ZNF557: variants seen among roughly 807,000 people sequenced by gnomAD.
ZNF557 encodes the protein CTB-25J19.9.
A neutral mutation model predicts 21.2 loss-of-function variants in ZNF557; 19 were observed. That is an observed-to-expected ratio of 0.90 (90% CI 0.63 to 1.32). The LOEUF is 1.32. ZNF557 is among the 40% of genes most tolerant of loss of function. The pLI, the probability that ZNF557 is intolerant of heterozygous loss-of-function variation, is 0.00. For synonymous variants in ZNF557, 207 were observed against 194.8 expected, an observed-to-expected ratio of 1.06 and a Z score of -0.52; for missense variants, 487 against 519.8, an observed-to-expected ratio of 0.94 and a Z score of 0.61.
intron 5 of ZNF557, among the ~76,000 whole-genome samples, chr19:7,078,596 T>A (rs1410760288): frequency 6.6e-6 from 1 of 152,010 alleles, no homozygotes; most frequent in Non-Finnish European, 1.5e-5. Context: ...CACAGCTAGC[T>A]AATTTTTGTA....
rs1011731761 is a variant in ZNF557 at position 7,087,064 on chromosome 19, G to A, written c.*3320G>A. On this transcript the variant is annotated 3_prime_UTR_variant, in exon 8 of 8. Transcript: ENST00000252840. ...GTACAGTGTACTAGGCTTTCCTGAA[G>A]CTTAGACAGGCTTTATCCCACTCTG... 35 of 120,358 alleles carry A rather than the reference G, an allele frequency of 2.9e-4. No homozygotes were observed. The highest frequency in any genetic ancestry group is 1.1e-3 in the African/African-American group (34 of 29,706). The allele number at this position is 120,358 out of a possible 1,614,324, so 7.5% of individuals were successfully genotyped here.
rs563071115 is a variant in ZNF557, at chr19:7,079,367, G to A, written c.248-1993G>A. On this transcript the variant is annotated intron_variant, in intron 5 of 7. Coordinates refer to ENST00000252840, the MANE Select transcript of ZNF557 (RefSeq NM_024341.3). Reference sequence around the variant, plus strand: ...CGCCATTCTCCTGCCTCAGCCTCCCGAGTAGCTGGGACTACAGGCGCCCAC... The same window carrying A: ...CGCCATTCTCCTGCCTCAGCCTCCCAAGTAGCTGGGACTACAGGCGCCCAC... Among the ~76,000 whole-genome samples, 549 of 150,226 alleles carry A rather than the reference G, an allele frequency of 3.7e-3. 3 individuals are homozygous for A. Among genetic ancestry groups the A allele is most frequent in the African/African-American group, 5.9e-3 (239 of 40,844 alleles).
At chr19:7,070,087 C>G (rs1335404868) in intron 1 of ZNF557, among the ~76,000 whole-genome samples, 1 of 152,206 alleles carries the variant, frequency 6.6e-6, no homozygotes, top group Non-Finnish European at 1.5e-5. Flanking sequence ...GCTAGCAGCT[C>G]AGCATCCTGC....
At chr19:7,082,143 C>T (rs1178312301) in intron 7 of ZNF557, 91 bp downstream of exon 7, 2 of 1,013,542 alleles carry the variant, frequency 2.0e-6, no homozygotes, top group East Asian at 2.5e-5. Flanking sequence ...TGGCCAGGCA[C>T]AGTGGCTCAT....
At position 7,074,979 on chromosome 19, in the gene ZNF557, C is replaced by T; in HGVS notation, c.-79-17C>T. On this transcript the variant is annotated splice_polypyrimidine_tract_variant and intron_variant, in intron 2 of 7. Coordinates refer to ENST00000252840, the MANE Select transcript of ZNF557 (RefSeq NM_024341.3). ...GAGGGGGTGACCGAGGCAGAGTGTT[C>T]CCCCCATTTCTTCCAGGGTGCTGTC... 6.3e-7 allele frequency: 1 copy of T among 1,592,578 alleles called. No homozygotes were observed. Among genetic ancestry groups the T allele is most frequent in the Non-Finnish European group, 8.6e-7 (1 of 1,164,762 alleles).
rs1430687349 is a variant in ZNF557, at chr19:7,086,231, A to C, written c.*2487A>C. On this transcript the variant is annotated 3_prime_UTR_variant, in exon 8 of 8. Coordinates refer to ENST00000252840, the MANE Select transcript of ZNF557 (RefSeq NM_024341.3). ...GGGCAAAAGAGTGCAACTCTGTCTC[A>C]AAAAAAAAAAAATCAGACAATATTT... The C allele has an allele frequency of 1.2e-5, 1 of 80,722 alleles. No homozygotes were observed. Among genetic ancestry groups the C allele is most frequent in the Non-Finnish European group, 2.6e-5 (1 of 38,922 alleles). The allele number at this position is 80,722 out of a possible 1,614,324, so 5.0% of individuals were successfully genotyped here.
intron 5 of ZNF557, among the ~76,000 whole-genome samples, chr19:7,080,348 A>G (rs919095379): frequency 2.0e-5 from 3 of 152,144 alleles, no homozygotes; most frequent in African/African-American, 7.2e-5. Flanking sequence ...TCCTCAGAGC[A>G]TCTTGTTCCC....
chr19:7,075,805 C>A, intron 4 of ZNF557, 62 bp downstream of exon 4: 1 of 1,586,364 alleles, frequency 6.3e-7, no homozygotes, highest in Non-Finnish European at 8.6e-7. Flanking sequence ...GGACTTGATG[C>A]CTTTCAGTGG....
In ZNF557 at chr19:7,086,849, A is replaced by AACC. The variant is rs1007510764; in HGVS notation, c.*3106_*3108dup. 4.6e-5 allele frequency: 7 copies of AACC among 151,562 alleles called. No individual in the cohort carries two copies. The highest frequency in any genetic ancestry group is 1.5e-4 in the African/African-American group (6 of 41,248). 9.4% of individuals were successfully genotyped at this position (151,562 alleles called of 1,614,324 possible). A position where few individuals can be genotyped will look rare whatever the true frequency, so the allele number is the denominator to read the frequency against. ...AAGACTAGCTTGGCCAACGTGGTGA[A>AACC]ACCTCGTCTCTACTAAAAAAAATAC... On this transcript the variant is annotated 3_prime_UTR_variant, in exon 8 of 8. Coordinates refer to ENST00000252840, the MANE Select transcript of ZNF557 (RefSeq NM_024341.3).
rs145719748 is a variant in ZNF557 at position 7,085,767 on chromosome 19, G to A, written c.*2023G>A. ...CATTTGTAGGTTGGGCCACTAGCTC[G>A]TTCATTTTCAGTCTTTTAATATAAA... On this transcript the variant is annotated 3_prime_UTR_variant, in exon 8 of 8. Coordinates refer to ENST00000252840, the MANE Select transcript of ZNF557 (RefSeq NM_024341.3). 2 of 152,246 alleles carry A rather than the reference G, an allele frequency of 1.3e-5. No homozygotes were observed. Among genetic ancestry groups the A allele is most frequent in the East Asian group, 1.9e-4 (1 of 5,188 alleles). The allele number at this position is 152,246 out of a possible 1,614,324, so 9.4% of individuals were successfully genotyped here. A position where few individuals can be genotyped will look rare whatever the true frequency, so the allele number is the denominator to read the frequency against.
At chr19:7,075,321 T>G (rs918945616) in intron 3 of ZNF557, among the ~76,000 whole-genome samples, 4 of 152,134 alleles carry the variant, frequency 2.6e-5, no homozygotes, top group Middle Eastern at 3.2e-3. Flanking sequence ...TGCTGGAGCT[T>G]TTGAATTCTC....
At chr19:7,076,576 A>G in intron 5 of ZNF557, 69 bp downstream of exon 5, 2 of 1,567,298 alleles carry the variant, frequency 1.3e-6, no homozygotes, top group Non-Finnish European at 1.7e-6. Context: ...CTTTTTTTAA[A>G]TTGAGGTAAC....
In ZNF557 at chr19:7,084,953, A is replaced by G. The variant is rs965729977; in HGVS notation, c.*1209A>G. The G allele has an allele frequency of 2.6e-5, 4 of 152,164 alleles. No homozygotes were observed. Among genetic ancestry groups the G allele is most frequent in the Non-Finnish European group, 5.9e-5 (4 of 68,046 alleles). The allele number at this position is 152,164 out of a possible 1,614,324, so 9.4% of individuals were successfully genotyped here. A position where few individuals can be genotyped will look rare whatever the true frequency, so the allele number is the denominator to read the frequency against. ...TAAGTCACATTTCGGAGATCATACA[A>G]CAGAGGAATATGTTGAGTATACACA... On this transcript the variant is annotated 3_prime_UTR_variant, in exon 8 of 8. Transcript: ENST00000252840.
chr19:7,079,244 T>C (rs1467731833), intron 5 of ZNF557, among the ~76,000 whole-genome samples: 1 of 135,108 alleles, frequency 7.4e-6, no homozygotes, highest in Non-Finnish European at 1.5e-5. Context: ...TTGTTTCTTT[T>C]TTTTTTTTTT....
intron 6 of ZNF557, 119 bp downstream of exon 6, chr19:7,081,574 T>G: frequency 1.4e-6 from 1 of 716,250 alleles, no homozygotes. Flanking sequence ...ATGCCCCTTT[T>G]CCCAAGAAGG....
At chr19:7,075,516 T>A in intron 3 of ZNF557, 139 bp from the exon 4 acceptor site, 1 of 804,480 alleles carries the variant, frequency 1.2e-6, no homozygotes, top group Non-Finnish European at 1.9e-6. Context: ...GGTGTTTGCT[T>A]GGAGTAGAGG....
At position 7,083,112 on chromosome 19, in the gene ZNF557, T is replaced by C. The variant is rs549303729; in HGVS notation, c.661T>C (p.Ser221Pro). The C allele has an allele frequency of 4.0e-5, 64 of 1,614,026 alleles. No homozygotes were observed. The highest frequency in any genetic ancestry group is 4.9e-5 in the Non-Finnish European group (58 of 1,180,004). ...CTGTGGGAAAACCTTCAGCAGCAGATCTTACCTTACTGTTCATAAGAGAAT... is the reference window on the plus strand; with the variant it reads ...CTGTGGGAAAACCTTCAGCAGCAGACCTTACCTTACTGTTCATAAGAGAAT... ...NDCGKTFSSRSYLTVHKRIHN... is the reference protein window; with the variant it reads ...NDCGKTFSSRPYLTVHKRIHN... The change falls in exon 8 of 8, where the codon TCT becomes CCT. Residue 221 changes from serine to proline, a missense_variant. Physicochemically the swap from Ser to Pro is moderately conservative, Grantham distance 74. Coordinates refer to ENST00000252840, the MANE Select transcript of ZNF557 (RefSeq NM_024341.3).
chr19:7,074,822 G>C (rs1977546878), intron 2 of ZNF557, among the ~76,000 whole-genome samples, 174 bp from the exon 3 acceptor site: 1 of 98,250 alleles, frequency 1.0e-5, no homozygotes, highest in Non-Finnish European at 2.0e-5. Flanking sequence ...CAGGGCACGG[G>C]CTGGAGAGGG....
At chr19:7,073,942 T>C (rs921755644) in intron 2 of ZNF557, among the ~76,000 whole-genome samples, 1 of 151,376 alleles carries the variant, frequency 6.6e-6, no homozygotes, top group Non-Finnish European at 1.5e-5. Flanking sequence ...TACAAGTCTC[T>C]AACTGCAGAC....
Sources: gnomAD v4.1 joint callset for allele counts (sites outside exome capture counted in the v4.1 genomes callset) on GRCh38, gnomAD v4.1.1 for gene constraint, MANE v1.5 for transcripts, NCBI Gene and HGNC (gene_info 2026-07-23, HGNC 2026-07-21) for gene names.